Variants in NCK2 observed in about 807,000 individuals in gnomAD.
NCK2 encodes cytoplasmic protein NCK2.
Under a neutral mutation model 33.9 loss-of-function variants are expected in NCK2, and 16 were observed. That is an observed-to-expected ratio of 0.47 (90% CI 0.32 to 0.72). The LOEUF (loss-of-function observed/expected upper bound fraction) is 0.72, where lower values mean the gene tolerates loss of function less well. Among genes scored for constraint, NCK2 ranks in the 30% least tolerant of loss-of-function variants. NCK2 has a pLI of 0.03. For synonymous variants in NCK2, 273 were observed against 239.9 expected, an observed-to-expected ratio of 1.14 and a Z score of -1.27; for missense variants, 418 against 537.3, an observed-to-expected ratio of 0.78 and a Z score of 2.19.
At chr2:105,759,729 T>G (rs1283271177) in intron 1 of NCK2, among the ~76,000 whole-genome samples, 1 of 152,202 alleles carries the variant, frequency 6.6e-6, no homozygotes, top group Non-Finnish European at 1.5e-5. Context: ...CACGTTTCCT[T>G]TAGTCTCCGT....
intron 3 of NCK2, among the ~76,000 whole-genome samples, chr2:105,862,973 G>A (rs1242650139): frequency 2.0e-5 from 3 of 151,740 alleles, no homozygotes; most frequent in Admixed American, 6.6e-5. Flanking sequence ...AAGAATCATC[G>A]AGTATCTGCT....
chr2:105,799,536 T>C (rs1465386795), intron 1 of NCK2, among the ~76,000 whole-genome samples: 1 of 152,162 alleles, frequency 6.6e-6, no homozygotes, highest in Non-Finnish European at 1.5e-5. Flanking sequence ...CTGTTTCCCA[T>C]GTTCCTGCTT....
intron 2 of NCK2, among the ~76,000 whole-genome samples, chr2:105,829,247 G>T (rs907114929): frequency 4.6e-5 from 7 of 152,088 alleles, no homozygotes; most frequent in African/African-American, 1.7e-4. Context: ...TTAAAAACTA[G>T]AATATTCTCA....
chr2:105,775,710 T>C (rs1447911742), intron 1 of NCK2, among the ~76,000 whole-genome samples: 1 of 152,204 alleles, frequency 6.6e-6, no homozygotes, highest in Non-Finnish European at 1.5e-5. Context: ...TTGTTTTTCC[T>C]TCCTACCCTG....
chr2:105,827,860 T>C (rs997867252), intron 2 of NCK2, among the ~76,000 whole-genome samples: 8 of 152,158 alleles, frequency 5.3e-5, no homozygotes, highest in African/African-American at 1.9e-4. Context: ...TCAGAGAGAT[T>C]TCTGTGATGA....
chr2:105,871,603 C>T (rs900180778), intron 3 of NCK2, among the ~76,000 whole-genome samples: 2 of 152,032 alleles, frequency 1.3e-5, no homozygotes, highest in African/African-American at 4.8e-5. Flanking sequence ...TCAAGCAATT[C>T]TCCTGCCTCA....
At chr2:105,805,487 T>C (rs561175301) in intron 1 of NCK2, among the ~76,000 whole-genome samples, 1 of 152,370 alleles carries the variant, frequency 6.6e-6, no homozygotes, top group African/African-American at 2.4e-5. Flanking sequence ...TAAATTTTTA[T>C]AACTATTAGC....
At chr2:105,859,122 T>C (rs1305147717) in intron 3 of NCK2, among the ~76,000 whole-genome samples, 3 of 152,224 alleles carry the variant, frequency 2.0e-5, no homozygotes, top group Non-Finnish European at 4.4e-5. Context: ...AGCACTATGC[T>C]ACATCTTTTG....
intron 1 of NCK2, among the ~76,000 whole-genome samples, chr2:105,799,277 A>AG (rs1691185903): frequency 6.6e-6 from 1 of 151,784 alleles, no homozygotes; most frequent in Non-Finnish European, 1.5e-5. Flanking sequence ...GTTTAAAAAA[A>AG]AAAAGTTCTT....
intron 1 of NCK2, among the ~76,000 whole-genome samples, chr2:105,758,556 C>T (rs1174049827): frequency 1.3e-5 from 2 of 151,846 alleles, no homozygotes; most frequent in African/African-American, 2.4e-5. Context: ...ACTACAGGTG[C>T]GTACCACCAT....
intron 1 of NCK2, among the ~76,000 whole-genome samples, chr2:105,747,384 G>A (rs923205936): frequency 6.6e-6 from 1 of 152,214 alleles, no homozygotes; most frequent in Non-Finnish European, 1.5e-5. Context: ...GGCGCAGAAT[G>A]CACTGGAGTC....
intron 2 of NCK2, among the ~76,000 whole-genome samples, chr2:105,841,316 C>T (rs1369711114): frequency 3.3e-5 from 5 of 152,218 alleles, no homozygotes; most frequent in South Asian, 2.1e-4. Context: ...TTTTTTCCCT[C>T]GAAAAGCCCT....
intron 1 of NCK2, among the ~76,000 whole-genome samples, chr2:105,780,589 T>A (rs11894170): frequency 0.22 from 33,479 of 152,144 alleles, 4,184 homozygotes; most frequent in Middle Eastern, 0.38. Flanking sequence ...TGCTGAAACA[T>A]CAGTCACCAG....
intron 1 of NCK2, among the ~76,000 whole-genome samples, chr2:105,786,817 TC>T (rs1277773072): frequency 6.6e-6 from 1 of 151,318 alleles, no homozygotes; most frequent in Admixed American, 6.6e-5. Flanking sequence ...CCTCTGCCTC[TC>T]TTGGGCCAGT....
chr2:105,776,391 C>T (rs150169923), intron 1 of NCK2, among the ~76,000 whole-genome samples: 1 of 152,334 alleles, frequency 6.6e-6, no homozygotes, highest in East Asian at 1.9e-4. Flanking sequence ...CCCCTGTCAC[C>T]ATGCATATAC....
At chr2:105,783,708 T>TG (rs1313634914) in intron 1 of NCK2, among the ~76,000 whole-genome samples, 1 of 152,044 alleles carries the variant, frequency 6.6e-6, no homozygotes. Flanking sequence ...ATTCAGATTA[T>TG]GTTTTTTTTT....
chr2:105,842,868 A>G (rs757709667), intron 2 of NCK2, among the ~76,000 whole-genome samples: 4 of 138,472 alleles, frequency 2.9e-5, no homozygotes, highest in African/African-American at 5.4e-5. Flanking sequence ...TGTGAGAAAT[A>G]TGATAGGCAA....
At chr2:105,782,920 C>T (rs1354219786) in intron 1 of NCK2, among the ~76,000 whole-genome samples, 8 of 152,316 alleles carry the variant, frequency 5.3e-5, no homozygotes, top group South Asian at 2.1e-4. Context: ...TTGTGCTCAC[C>T]GGCTTGGCGA....
At chr2:105,773,796 T>A (rs145844222) in intron 1 of NCK2, among the ~76,000 whole-genome samples, 96 of 152,308 alleles carry the variant, frequency 6.3e-4, no homozygotes, top group Non-Finnish European at 1.2e-3. Context: ...CCTGAGCTTG[T>A]GTCTGGCAGG....
Sources: gnomAD v4.1 joint callset for allele counts (sites outside exome capture counted in the v4.1 genomes callset) on GRCh38, gnomAD v4.1.1 for gene constraint, MANE v1.5 for transcripts, NCBI Gene and HGNC (gene_info 2026-07-23, HGNC 2026-07-21) for gene names.